TGS1: variants seen among roughly 807,000 people sequenced by gnomAD.
The protein encoded by TGS1 is trimethylguanosine synthase 1.
In TGS1, 69 loss-of-function variants were observed where a neutral mutation model predicts 92.2. That is an observed-to-expected ratio of 0.75 (90% CI 0.62 to 0.91). The LOEUF (loss-of-function observed/expected upper bound fraction) is 0.91, where lower values mean the gene tolerates loss of function less well. Among genes scored for constraint, TGS1 ranks in the 40% least tolerant of loss-of-function variants. TGS1 has a pLI of 0.00. For synonymous variants in TGS1, 345 were observed against 338.1 expected (o/e 1.02, Z -0.22); for missense variants, 1,062 against 1,001.2 (o/e 1.06, Z -0.82).
In TGS1 at chr8:55,812,987, T is replaced by C. The variant is rs1022960577; in HGVS notation, c.2361-53T>C. ...TTATGATAAGTAAAACACATCTCTT[T>C]CTGATTAGAAATTAGCTGCTGTTTT... On this transcript the variant is annotated intron_variant, in intron 11 of 12. Coordinates refer to ENST00000260129, the MANE Select transcript of TGS1 (RefSeq NM_024831.8). 16 of 1,307,962 alleles carry C rather than the reference T, an allele frequency of 1.2e-5. No individual in the cohort carries two copies. In the African/African-American group the frequency reaches 2.0e-4, roughly 17 times the overall value. 81.0% of individuals were successfully genotyped at this position (1,307,962 alleles called of 1,614,324 possible). A position where few individuals can be genotyped will look rare whatever the true frequency, so the allele number is the denominator to read the frequency against.
At chr8:55,802,214 T>G (rs1812237005) in intron 8 of TGS1, among the ~76,000 whole-genome samples, 1 of 152,032 alleles carries the variant, frequency 6.6e-6, no homozygotes, top group Admixed American at 6.6e-5. Flanking sequence ...AATAAATGAA[T>G]GAATGAATGG....
At chr8:55,801,582 C>CCTTTTTTTTTTTTTTTTTTTTTTTTTT (rs1214681045) in intron 8 of TGS1, among the ~76,000 whole-genome samples, 1 of 48,216 alleles carries the variant, frequency 2.1e-5, no homozygotes, top group African/African-American at 9.4e-5. Context: ...CCCCATCGTT[C>CCTTTTTTTTTTTTTTTTTTTTTTTTTT]TTTTTTTTTT....
chr8:55,805,883 A>T lies in TGS1; in HGVS notation c.2143+847A>T, dbSNP rs1336204498. On this transcript the variant is annotated intron_variant, in intron 10 of 12. Transcript: ENST00000260129. The stretch of plus-strand genomic sequence containing the variant: ...GGCAACAGAGTGAGACTCCATCTTA[A>T]AAAAAAAAAAAAAAAAAAAAATTTA... 2.8e-4 allele frequency among the ~76,000 whole-genome samples: 3 copies of T among 10,680 alleles called. No individual in the cohort carries two copies. In the East Asian group the frequency reaches 3.2e-3, roughly 11 times the overall value. The allele number at this position is 10,680 out of a possible 152,430, so 7.0% of individuals were successfully genotyped here. A position where few individuals can be genotyped will look rare whatever the true frequency, so the allele number is the denominator to read the frequency against.
chr8:55,786,696 A>C lies in TGS1; in HGVS notation c.798A>C (p.Gln266His), dbSNP rs1175189498. 1 of 1,614,140 alleles carries C rather than the reference A, an allele frequency of 6.2e-7. No individual in the cohort carries two copies. The highest frequency in any genetic ancestry group is 8.5e-7 in the Non-Finnish European group (1 of 1,180,028). The change falls in exon 4 of 13, where the codon CAA (glutamine) becomes CAC (histidine). Residue 266 changes from glutamine (Q) to histidine (H), a missense_variant. Transcript: ENST00000260129. ...EAQGWTFDAS[Q>H]SCDTDTYTSK... ...AGGGTTGGACTTTTGATGCCTCGCAAAGCTGTGATACAGATACTTACACAT... is the reference window on the plus strand; with the variant it reads ...AGGGTTGGACTTTTGATGCCTCGCACAGCTGTGATACAGATACTTACACAT...
intron 1 of TGS1, 91 bp downstream of exon 1, chr8:55,773,810 A>G (rs1376201094): frequency 2.9e-5 from 30 of 1,049,562 alleles, no homozygotes; most frequent in African/African-American, 1.6e-5. Context: ...GATCCCTGAA[A>G]GCAGCCAGAA....
intron 9 of TGS1, among the ~76,000 whole-genome samples, chr8:55,803,719 G>T (rs868104161): frequency 6.9e-6 from 1 of 145,192 alleles, no homozygotes; most frequent in Admixed American, 7.0e-5. Context: ...TTTTAGACAG[G>T]GTCTCACTCT....
At chr8:55,776,352 C>G (rs1295424508) in intron 1 of TGS1, among the ~76,000 whole-genome samples, 1 of 148,510 alleles carries the variant, frequency 6.7e-6, no homozygotes, top group East Asian at 2.0e-4. Context: ...GAGATCTCTG[C>G]TCACTGCAAG....
intron 1 of TGS1, among the ~76,000 whole-genome samples, chr8:55,776,311 C>T (rs1301455802): frequency 7.0e-6 from 1 of 143,118 alleles, no homozygotes; most frequent in African/African-American, 2.6e-5. Flanking sequence ...GACAGAGTCT[C>T]GCTTTGTTGC....
At chr8:55,779,864 TCTTTTTTTTC>T (rs1245408312) in intron 1 of TGS1, among the ~76,000 whole-genome samples, 2 of 150,546 alleles carry the variant, frequency 1.3e-5, no homozygotes, top group African/African-American at 4.9e-5. Flanking sequence ...TCATATGTAT[TCTTTTTTTTC>T]CTTTTTTTTT....
At chr8:55,775,360 A>G (rs1811366534) in intron 1 of TGS1, among the ~76,000 whole-genome samples, 1 of 152,220 alleles carries the variant, frequency 6.6e-6, no homozygotes, top group Non-Finnish European at 1.5e-5. Context: ...GAAAACCTTA[A>G]GCTGGGGAAT....
intron 12 of TGS1, among the ~76,000 whole-genome samples, chr8:55,814,674 AATAT>A (rs1040682059): frequency 2.3e-4 from 28 of 123,328 alleles, no homozygotes; most frequent in Middle Eastern, 4.2e-3. Flanking sequence ...AAAAAAAAAA[AATAT>A]ATATATATAT....
Position 55,795,970 on chromosome 8 carries a change from T to TG in TGS1, c.1368-7dup, listed in dbSNP as rs112069461. On this transcript the variant is annotated splice_polypyrimidine_tract_variant and splice_region_variant and intron_variant, in intron 6 of 12. Coordinates refer to ENST00000260129, the MANE Select transcript of TGS1 (RefSeq NM_024831.8). ...AAGTTGTGAATAACTTCTTTTGATC[T>TG]GTCACAGATATGGTGGAATCCCAAA... 192,106 of 1,599,396 alleles carry TG rather than the reference T, an allele frequency of 0.12. 13,225 individuals are homozygous for TG. Among genetic ancestry groups the TG allele is most frequent in the African/African-American group, 0.27 (20,248 of 74,260 alleles).
chr8:55,823,723 A>T (rs899085594), intron 12 of TGS1, among the ~76,000 whole-genome samples: 3 of 152,196 alleles, frequency 2.0e-5, no homozygotes, highest in African/African-American at 7.2e-5. Flanking sequence ...GATGAACAGG[A>T]CAAAGGCTTT....
At chr8:55,800,066 G>T (rs778352265) in intron 8 of TGS1, among the ~76,000 whole-genome samples, 11 of 151,942 alleles carry the variant, frequency 7.2e-5, no homozygotes, top group African/African-American at 1.2e-4. Context: ...TTTAATAATG[G>T]TATTATGAAA....
chr8:55,781,728 A>G (rs1811568300), intron 1 of TGS1, among the ~76,000 whole-genome samples: 1 of 152,220 alleles, frequency 6.6e-6, no homozygotes, highest in South Asian at 2.1e-4. Flanking sequence ...TAGTATCTCC[A>G]AAAAAGAAGC....
chr8:55,799,147 G>T lies in TGS1; in HGVS notation c.1776G>T (p.Leu592Phe), dbSNP rs1399691842. 2.5e-6 allele frequency: 4 copies of T among 1,614,064 alleles called. No homozygotes were observed. The East Asian group carries it at 6.7e-5, about 27-fold the overall frequency. The change falls in exon 8 of 13, where the codon TTG becomes TTT. Residue 592 changes from leucine to phenylalanine, a missense_variant. Leu to Phe is a conservative substitution (Grantham distance 22, BLOSUM62 0). Coordinates refer to ENST00000260129, the MANE Select transcript of TGS1 (RefSeq NM_024831.8). Reference protein sequence around the residue: ...LETENYERDSLLATVPDEQDC... With the variant: ...LETENYERDSFLATVPDEQDC... ...CAGAAAACTATGAAAGAGACAGCTT[G>T]CTAGCAACTGTTCCAGATGAGCAGG...
chr8:55,810,784 C>A (rs1803316277), intron 10 of TGS1, 97 bp from the exon 11 acceptor site: 1 of 993,568 alleles, frequency 1.0e-6, no homozygotes, highest in African/African-American at 1.6e-5. Flanking sequence ...ATAAAGAGTT[C>A]TTATACAGAA....
chr8:55,803,758 A>G (rs1299128440), intron 9 of TGS1, among the ~76,000 whole-genome samples: 1 of 150,214 alleles, frequency 6.7e-6, no homozygotes, highest in African/African-American at 2.5e-5. Flanking sequence ...CAGTGGCACA[A>G]TCTTGGCTCA....
intron 9 of TGS1, among the ~76,000 whole-genome samples, chr8:55,804,188 C>T (rs980318095): frequency 6.6e-6 from 1 of 152,142 alleles, no homozygotes; most frequent in Non-Finnish European, 1.5e-5. Flanking sequence ...TGCCTGTAAT[C>T]CCAGCACTTT....
Sources: allele counts gnomAD v4.1 joint callset (sites outside exome capture counted in the v4.1 genomes callset), GRCh38; gene constraint gnomAD v4.1.1; transcripts MANE v1.5; gene names NCBI Gene and HGNC (gene_info 2026-07-23, HGNC 2026-07-21).